Variants in CSNK1G1 observed in about 807,000 individuals in gnomAD.
CSNK1G1 encodes the protein casein kinase I isoform gamma-1.
A neutral mutation model predicts 59.6 loss-of-function variants in CSNK1G1; 22 were observed. The ratio of observed to expected loss-of-function variants is 0.37; its 90% CI spans 0.26 to 0.53. The LOEUF (loss-of-function observed/expected upper bound fraction) is 0.53, where lower values mean the gene tolerates loss of function less well. Among genes scored for constraint, CSNK1G1 ranks in the 20% least tolerant of loss-of-function variants. The probability of loss-of-function intolerance (pLI) is 0.89; values close to 1 mark genes in which losing one functional copy is unlikely to be tolerated. For synonymous variants in CSNK1G1, 179 were observed against 177.1 expected (o/e 1.01, Z -0.08); for missense variants, 384 against 519.5 (o/e 0.74, Z 2.54).
rs771742714 is a variant in CSNK1G1, at chr15:64,214,105, A to G, written c.464T>C (p.Val155Ala). Reference protein sequence around the residue: ...AIQLLSRMEYVHSKNLIYRDV... With the variant: ...AIQLLSRMEYAHSKNLIYRDV... ...TCGGTAAATGAGGTTCTTTGAGTGC[A>G]CGTATTCCATTCGAGAAAGCTGAAA... The change falls in exon 6 of 12, where the codon GTG (valine) becomes GCG (alanine). Residue 155 changes from valine to alanine, a missense_variant. Coordinates refer to ENST00000303052, the MANE Select transcript of CSNK1G1 (RefSeq NM_022048.5). This position sits in a 1 kb window ranked among gnomAD's most constrained non-coding sequence, Gnocchi z 4.3. 1.2e-6 allele frequency: 2 copies of G among 1,613,632 alleles called. No individual in the cohort carries two copies.
chr15:64,182,594 A>G (rs1360237680), intron 10 of CSNK1G1, among the ~76,000 whole-genome samples: 1 of 152,212 alleles, frequency 6.6e-6, no homozygotes. Context: ...ATTAGATATT[A>G]TGAAATTAAC....
intron 1 of CSNK1G1, among the ~76,000 whole-genome samples, chr15:64,301,806 G>A (rs2095588324): frequency 6.6e-6 from 1 of 152,052 alleles, no homozygotes; most frequent in South Asian, 2.1e-4. Context: ...AGAATAGCTT[G>A]AACCTAGGAG....
chr15:64,343,234 C>CACACACACACACACACACACACACA (rs1327910388), intron 1 of CSNK1G1, among the ~76,000 whole-genome samples: 1 of 151,746 alleles, frequency 6.6e-6, no homozygotes, highest in Non-Finnish European at 1.5e-5. Flanking sequence ...CACACACACA[C>CACACACACACACACACACACACACA]ACCTCTTCTA....
chr15:64,198,350 C>T (rs1038268024), intron 10 of CSNK1G1, among the ~76,000 whole-genome samples: 4 of 151,762 alleles, frequency 2.6e-5, no homozygotes, highest in Admixed American at 6.6e-5. Context: ...AGATTACAGG[C>T]GCCCACCACC....
chr15:64,341,639 AT>A (rs1014183936), intron 1 of CSNK1G1, among the ~76,000 whole-genome samples: 1 of 151,460 alleles, frequency 6.6e-6, no homozygotes, highest in Non-Finnish European at 1.5e-5. Flanking sequence ...CACCCAGCTA[AT>A]TTTTTTTTAT....
At chr15:64,263,060 C>G (rs1036861141) in intron 2 of CSNK1G1, among the ~76,000 whole-genome samples, 1 of 95,030 alleles carries the variant, frequency 1.1e-5, no homozygotes, top group Non-Finnish European at 1.9e-5. Context: ...GCCTGGGCAA[C>G]AAGAGCAAAA....
chr15:64,318,780 T>A (rs1896406015), intron 1 of CSNK1G1, among the ~76,000 whole-genome samples: 1 of 151,636 alleles, frequency 6.6e-6, no homozygotes, highest in South Asian at 2.1e-4. Context: ...CTGGCTAATT[T>A]TTGTATTTTT....
At chr15:64,212,785 C>T (rs960133230) in intron 6 of CSNK1G1, among the ~76,000 whole-genome samples, 3 of 152,054 alleles carry the variant, frequency 2.0e-5, no homozygotes, top group Non-Finnish European at 4.4e-5. Context: ...GCAGGCAGAT[C>T]ACTTAAGGCC....
Position 64,207,538 on chromosome 15 carries a change from G to C in CSNK1G1, c.736C>G (p.Arg246Gly). ...AGTCCTTGCCAGGGGAGGCTGCCTC[G>C]AAGGAAATACATGAACATATGGCCT... Reference protein sequence around the residue: ...ALGHMFMYFLRGSLPWQGLKA... With the variant: ...ALGHMFMYFLGGSLPWQGLKA... The change falls in exon 7 of 12, where the codon CGA (arginine) becomes GGA (glycine). Residue 246 changes from arginine (R) to glycine (G), a missense_variant. Transcript: ENST00000303052. 6.2e-7 allele frequency: 1 copy of C among 1,613,896 alleles called. No homozygotes were observed.
intron 10 of CSNK1G1, among the ~76,000 whole-genome samples, chr15:64,196,455 C>A (rs1464420505): frequency 7.0e-6 from 1 of 143,674 alleles, no homozygotes; most frequent in African/African-American, 2.5e-5. Flanking sequence ...ATCACCTGAA[C>A]TTTTTTTTTT....
chr15:64,249,850 T>C (rs1157403836), intron 4 of CSNK1G1, among the ~76,000 whole-genome samples: 1 of 152,212 alleles, frequency 6.6e-6, no homozygotes, highest in African/African-American at 2.4e-5. Flanking sequence ...ACATTAGATT[T>C]TTTTTGGCTC....
At chr15:64,275,830 T>C (rs972927375) in intron 2 of CSNK1G1, among the ~76,000 whole-genome samples, 6 of 152,360 alleles carry the variant, frequency 3.9e-5, no homozygotes, top group African/African-American at 1.4e-4. Context: ...AAACTTCATA[T>C]ACACAGATAT....
Position 64,176,525 on chromosome 15 carries a change from CA to C in CSNK1G1, c.1214+3822del, listed in dbSNP as rs2081743852. 6.6e-6 allele frequency among the ~76,000 whole-genome samples: 1 copy of C among 152,094 alleles called. No homozygotes were observed. The highest frequency in any genetic ancestry group is 2.4e-5 in the African/African-American group (1 of 41,398). On this transcript the variant is annotated intron_variant, in intron 11 of 11. Coordinates refer to ENST00000303052, the MANE Select transcript of CSNK1G1 (RefSeq NM_022048.5). The surrounding 1 kb of genome is among the most constrained non-coding windows in gnomAD (Gnocchi z 5.2). Reference sequence around the variant, plus strand: ...AAGCATCAAGGTGGGAGCTGGATCTCAGGGGTAAGGCAAAACAGAAAGAGTT... The same window carrying C: ...AAGCATCAAGGTGGGAGCTGGATCTCGGGGTAAGGCAAAACAGAAAGAGTT...
Position 64,240,296 on chromosome 15 carries a change from T to C in CSNK1G1, c.292+11216A>G, listed in dbSNP as rs534585736. On this transcript the variant is annotated intron_variant, in intron 4 of 11. Coordinates refer to ENST00000303052, the MANE Select transcript of CSNK1G1 (RefSeq NM_022048.5). ...GAGTGAAGAAAGCTTACAAGACTTA[T>C]GGGACACCATTAAGTGAACAAACAT... Among the ~76,000 whole-genome samples the C allele has an allele frequency of 1.4e-3, 217 of 152,228 alleles. 1 individual carries two copies. Among genetic ancestry groups the C allele is most frequent in the South Asian group, 4.6e-3 (22 of 4,810 alleles).
At chr15:64,303,940 A>G (rs1241688394) in intron 1 of CSNK1G1, among the ~76,000 whole-genome samples, 1 of 151,604 alleles carries the variant, frequency 6.6e-6, no homozygotes, top group Non-Finnish European at 1.5e-5. Flanking sequence ...AAAAGCCAAA[A>G]ATCTCACTCA....
intron 10 of CSNK1G1, among the ~76,000 whole-genome samples, chr15:64,190,271 G>C (rs1345052473): frequency 6.6e-6 from 1 of 152,222 alleles, no homozygotes; most frequent in East Asian, 1.9e-4. Context: ...TTATAAATGA[G>C]GGGTTTGATT....
chr15:64,293,988 G>T (rs1401620796), intron 2 of CSNK1G1, among the ~76,000 whole-genome samples: 2 of 152,098 alleles, frequency 1.3e-5, no homozygotes, highest in African/African-American at 4.8e-5. Context: ...ATTGATAATG[G>T]CTAAATTGAA....
At chr15:64,302,686 G>C (rs76096732) in intron 1 of CSNK1G1, among the ~76,000 whole-genome samples, 6,523 of 152,116 alleles carry the variant, frequency 0.043, 157 homozygotes, top group South Asian at 0.079. Flanking sequence ...CATAATTGTT[G>C]GGAGTATGTC....
Position 64,180,371 on chromosome 15 carries a change from C to T in CSNK1G1, c.1191G>A (p.Glu397=), listed in dbSNP as rs1460966438. ...HSNAPITAHA[E]VEVVEEAKCC... Reference sequence around the variant, plus strand: ...ACTTAGCTTCCTCCACTACCTCCACCTCGGCATGAGCTGTGATTGGTGCAT... The same window carrying T: ...ACTTAGCTTCCTCCACTACCTCCACTTCGGCATGAGCTGTGATTGGTGCAT... Residue 397 remains glutamate (E), a synonymous_variant, in exon 11 of 12, where the codon GAG becomes GAA. Transcript: ENST00000303052. The T allele has an allele frequency of 3.7e-6, 6 of 1,614,028 alleles. No homozygotes were observed. In the African/African-American group the frequency reaches 4.0e-5, roughly 11 times the overall value.
Sources: gnomAD v4.1 joint callset for allele counts (sites outside exome capture counted in the v4.1 genomes callset) on GRCh38, gnomAD v4.1.1 for gene constraint, Gnocchi (gnomAD v3.1) non-coding constraint, MANE v1.5 for transcripts, NCBI Gene and HGNC (gene_info 2026-07-23, HGNC 2026-07-21) for gene names.